The following GPR158 variants were observed in gnomAD, a reference collection of about 807,000 sequenced individuals.
The protein encoded by GPR158 is G protein-coupled receptor 158, also known as metabotropic glycine receptor.
GPR158 carries 30 observed loss-of-function variants against 78.2 expected under a neutral mutation model. The ratio of observed to expected loss-of-function variants is 0.38; its 90% CI spans 0.29 to 0.52. The LOEUF is 0.52. GPR158 is among the 20% of genes least tolerant of loss of function. The probability of loss-of-function intolerance (pLI) is 0.83; values close to 1 mark genes in which losing one functional copy is unlikely to be tolerated. For missense variants in GPR158, 1,463 were observed against 1,523.5 expected (o/e 0.96, Z 0.66); for synonymous variants, 581 against 591.1 (o/e 0.98, Z 0.25).
chr10:25,447,818 A>T (rs1375837459), intron 4 of GPR158, among the ~76,000 whole-genome samples: 3 of 151,524 alleles, frequency 2.0e-5, no homozygotes, highest in Non-Finnish European at 4.4e-5. Flanking sequence ...TAATTTACAC[A>T]GAGTGAAATG....
At chr10:25,360,427 A>C (rs1181330254) in intron 2 of GPR158, among the ~76,000 whole-genome samples, 1 of 152,076 alleles carries the variant, frequency 6.6e-6, no homozygotes, top group African/African-American at 2.4e-5. Context: ...TATTTTTTGT[A>C]TAAGGTGTAA....
At chr10:25,351,946 T>C (rs1473983746) in intron 2 of GPR158, among the ~76,000 whole-genome samples, 1 of 151,904 alleles carries the variant, frequency 6.6e-6, no homozygotes, top group Non-Finnish European at 1.5e-5. Flanking sequence ...TTCCCTCCTG[T>C]GTGTCCATGT....
At chr10:25,480,705 T>C (rs1835654674) in intron 5 of GPR158, among the ~76,000 whole-genome samples, 1 of 152,240 alleles carries the variant, frequency 6.6e-6, no homozygotes, top group African/African-American at 2.4e-5. Context: ...TTATTGTAGA[T>C]ATATACCACA....
chr10:25,410,574 C>T lies in GPR158; in HGVS notation c.1112-1676C>T, dbSNP rs185289641. On this transcript the variant is annotated intron_variant, in intron 3 of 10. Coordinates refer to ENST00000376351, the MANE Select transcript of GPR158 (RefSeq NM_020752.3). ...GAGATTGCAGTGAGCCGAGATGATG[C>T]CACTGCACTCCAGCTTGGGTGACAC... Among the ~76,000 whole-genome samples, 12 of 152,228 alleles carry T rather than the reference C, an allele frequency of 7.9e-5. No homozygotes were observed. In the East Asian group the frequency reaches 2.3e-3, roughly 29 times the overall value.
chr10:25,510,166 C>G (rs148313274), intron 5 of GPR158, among the ~76,000 whole-genome samples: 4 of 152,312 alleles, frequency 2.6e-5, no homozygotes, highest in African/African-American at 7.2e-5. Context: ...GTGTGCTCAT[C>G]TTTGGAAAAT....
In GPR158 at chr10:25,516,325, G is replaced by C. The variant is rs1017689746; in HGVS notation, c.1405-34651G>C. ...TTTTCTCCCATGTTGTAGGTTGCCT[G>C]TTCACTCTGATGGTAGTTTCTTTGG... On this transcript the variant is annotated intron_variant, in intron 5 of 10. Coordinates refer to ENST00000376351, the MANE Select transcript of GPR158 (RefSeq NM_020752.3). 2.7e-5 allele frequency among the ~76,000 whole-genome samples: 4 copies of C among 149,720 alleles called. No homozygotes were observed. The East Asian group carries it at 5.9e-4, about 22-fold the overall frequency.
chr10:25,237,305 G>A (rs1411429629), intron 2 of GPR158, among the ~76,000 whole-genome samples: 1 of 152,024 alleles, frequency 6.6e-6, no homozygotes, highest in African/African-American at 2.4e-5. Flanking sequence ...AAACCTTCTT[G>A]GATGTTTAGA....
intron 2 of GPR158, among the ~76,000 whole-genome samples, chr10:25,365,088 G>A (rs1215779223): frequency 4.0e-5 from 6 of 151,550 alleles, no homozygotes; most frequent in African/African-American, 1.2e-4. Flanking sequence ...TCCTATTTTG[G>A]AAAACATTAT....
At chr10:25,392,815 A>G (rs1029019022) in intron 2 of GPR158, among the ~76,000 whole-genome samples, 3 of 152,156 alleles carry the variant, frequency 2.0e-5, no homozygotes, top group South Asian at 2.1e-4. Flanking sequence ...AAAATTTACA[A>G]TTCTTCATAA....
chr10:25,312,716 A>G (rs1223396418), intron 2 of GPR158, among the ~76,000 whole-genome samples: 1 of 152,170 alleles, frequency 6.6e-6, no homozygotes, highest in Non-Finnish European at 1.5e-5. Flanking sequence ...ACTGAATATT[A>G]AAAAGAAATG....
chr10:25,351,145 C>T (rs562205134), intron 2 of GPR158, among the ~76,000 whole-genome samples: 202 of 151,934 alleles, frequency 1.3e-3, no homozygotes, highest in Middle Eastern at 0.01. Context: ...TCTCTATAAA[C>T]ATATAAACTC....
At chr10:25,184,635 G>A (rs147042088) in intron 1 of GPR158, among the ~76,000 whole-genome samples, 256 of 152,210 alleles carry the variant, frequency 1.7e-3, no homozygotes, top group Admixed American at 2.7e-3. Context: ...TTTTTCTCAC[G>A]TTATCTGGCA....
chr10:25,211,857 T>G (rs1163203552), intron 1 of GPR158, among the ~76,000 whole-genome samples: 2 of 152,218 alleles, frequency 1.3e-5, no homozygotes, highest in Non-Finnish European at 2.9e-5. Context: ...TCCTTTATCA[T>G]AAGTATAAGT....
At chr10:25,222,662 T>C (rs1853314894) in intron 2 of GPR158, among the ~76,000 whole-genome samples, 1 of 152,216 alleles carries the variant, frequency 6.6e-6, no homozygotes. Context: ...AGCCTGATTA[T>C]CATCTCTGTG....
At chr10:25,292,525 A>G (rs982202343) in intron 2 of GPR158, among the ~76,000 whole-genome samples, 2 of 151,984 alleles carry the variant, frequency 1.3e-5, no homozygotes, top group African/African-American at 4.8e-5. Context: ...CTCTCTTTTT[A>G]TCATTAGATT....
At chr10:25,494,398 T>C (rs1174737930) in intron 5 of GPR158, among the ~76,000 whole-genome samples, 1 of 152,310 alleles carries the variant, frequency 6.6e-6, no homozygotes, top group Non-Finnish European at 1.5e-5. Flanking sequence ...TAAAGCTATA[T>C]GAAGAAAAAA....
At chr10:25,323,373 C>A (rs1358581610) in intron 2 of GPR158, among the ~76,000 whole-genome samples, 1 of 152,148 alleles carries the variant, frequency 6.6e-6, no homozygotes, top group African/African-American at 2.4e-5. Flanking sequence ...AAGAGACTCA[C>A]TCAGCCTGCC....
intron 2 of GPR158, among the ~76,000 whole-genome samples, chr10:25,359,850 A>G (rs1272695981): frequency 1.3e-5 from 2 of 152,190 alleles, no homozygotes; most frequent in African/African-American, 4.8e-5. Flanking sequence ...GTCTTTCACA[A>G]TGGTTTAACT....
intron 5 of GPR158, among the ~76,000 whole-genome samples, chr10:25,504,450 G>C (rs538013543): frequency 6.6e-6 from 1 of 152,256 alleles, no homozygotes; most frequent in Admixed American, 6.5e-5. Flanking sequence ...TCTTAGCCTT[G>C]TTTGGTTCTT....
Sources: gnomAD v4.1 joint callset for allele counts (sites outside exome capture counted in the v4.1 genomes callset) on GRCh38, gnomAD v4.1.1 for gene constraint, MANE v1.5 for transcripts, NCBI Gene and HGNC (gene_info 2026-07-23, HGNC 2026-07-21) for gene names.